Variants in FYCO1 observed in about 807,000 individuals in gnomAD.
FYCO1 encodes FYVE and coiled-coil domain autophagy adaptor 1.
Under a neutral mutation model 165.1 loss-of-function variants are expected in FYCO1, and 122 were observed. The ratio of observed to expected loss-of-function variants is 0.74; its 90% CI spans 0.64 to 0.86. The LOEUF is 0.86. Ranked by LOEUF, FYCO1 falls within the 40% of genes least tolerant of loss-of-function variation. The probability of loss-of-function intolerance (pLI) is 0.00; values close to 1 mark genes in which losing one functional copy is unlikely to be tolerated. For missense variants in FYCO1, 1,702 were observed against 1,810.3 expected (o/e 0.94, Z 1.09); for synonymous variants, 648 against 742.5 (o/e 0.87, Z 2.07).
intron 1 of FYCO1, among the ~76,000 whole-genome samples, chr3:45,989,138 C>T (rs973040912): frequency 6.6e-6 from 1 of 152,116 alleles, no homozygotes; most frequent in Non-Finnish European, 1.5e-5. Context: ...AAATTTTGCT[C>T]CCAACACAAT....
rs1442413767 is a variant in FYCO1, at chr3:45,923,676, G to T, written c.4341C>A (p.Ile1447=). The T allele has an allele frequency of 6.2e-7, 1 of 1,613,420 alleles. No individual in the cohort carries two copies. The change falls in exon 17 of 18, where the codon ATC becomes ATA. Residue 1447 remains isoleucine (I), a synonymous_variant. Coordinates refer to ENST00000296137, the MANE Select transcript of FYCO1 (RefSeq NM_024513.4). ...KVRTPGIYML[I]FDNTFSRFVS... ...CCTACCTTGAGAAGGTATTGTCGAA[G>T]ATGAGCATGTAGATGCCGGGTGTGC...
At chr3:45,955,977 G>A (rs974033021) in intron 13 of FYCO1, among the ~76,000 whole-genome samples, 8 of 152,184 alleles carry the variant, frequency 5.3e-5, no homozygotes, top group Non-Finnish European at 7.3e-5. Flanking sequence ...TCCTGTACCA[G>A]TCATCTGCCC....
intron 14 of FYCO1, among the ~76,000 whole-genome samples, chr3:45,954,584 G>A (rs1340818072): frequency 6.6e-6 from 1 of 152,218 alleles, no homozygotes; most frequent in Non-Finnish European, 1.5e-5. Flanking sequence ...AAGGGTTGCT[G>A]TTATAGGCTG....
chr3:45,958,546 G>A lies in FYCO1; in HGVS notation c.3661C>T (p.Arg1221Cys), dbSNP rs1344641354. 5.0e-6 allele frequency: 8 copies of A among 1,614,056 alleles called. No homozygotes were observed. The highest frequency in any genetic ancestry group is 6.8e-6 in the Non-Finnish European group (8 of 1,180,036). ...VLSKHGGKKE[R>C]CCRACFQKLS... is the part of the protein sequence containing the mutation. ...TTCTGGAAACAGGCTCGGCAGCAGC[G>A]CTCCTTTTTGCCACCGTGCTTGCTC... The change falls in exon 13 of 18, where the codon CGC becomes TGC. Residue 1221 changes from arginine (R) to cysteine (C), a missense_variant. Transcript: ENST00000296137.
chr3:45,964,410 G>T lies in FYCO1; in HGVS notation c.3195C>A (p.Asn1065Lys). Residue 1065 changes from asparagine to lysine, a missense_variant, in exon 10 of 18, where the codon AAC becomes AAA. By Grantham distance (94) the Asn-to-Lys change is moderately conservative. Coordinates refer to ENST00000296137, the MANE Select transcript of FYCO1 (RefSeq NM_024513.4). This position sits in a 1 kb window ranked among gnomAD's most constrained non-coding sequence, Gnocchi z 4.1. Reference sequence around the variant, plus strand: ...TGGCCGCCTGGCACTCTGCAAGATGGTTGCTAGTGCAGCTCAGCTTCTCTC... The same window carrying T: ...TGGCCGCCTGGCACTCTGCAAGATGTTTGCTAGTGCAGCTCAGCTTCTCTC... ...DMGEKLSCTS[N>K]HLAECQAAML... is the part of the protein sequence containing the mutation. 6.2e-7 allele frequency: 1 copy of T among 1,614,102 alleles called. No homozygotes were observed. The highest frequency in any genetic ancestry group is 8.5e-7 in the Non-Finnish European group (1 of 1,179,964).
At chr3:45,965,425 C>T (rs75918913) in intron 8 of FYCO1, among the ~76,000 whole-genome samples, 11,448 of 152,234 alleles carry the variant, frequency 0.075, 544 homozygotes, top group Non-Finnish European at 0.11. Context: ...TGTGGCACTG[C>T]GGTGGAGCTG....
rs1705909793 is a variant in FYCO1 at position 45,964,918 on chromosome 3, C to A, written c.3150+115G>T. 2 of 838,764 alleles carry A rather than the reference C, an allele frequency of 2.4e-6. No homozygotes were observed. The allele number at this position is 838,764 out of a possible 1,614,324, so 52.0% of individuals were successfully genotyped here. On this transcript the variant is annotated intron_variant, in intron 9 of 17. Transcript: ENST00000296137. The surrounding 1 kb of genome is among the most constrained non-coding windows in gnomAD (Gnocchi z 4.1). The stretch of plus-strand genomic sequence containing the variant: ...AAACTAGGGTGTCTACAAAGGTGAA[C>A]TGAGGACGGCTTCAGCTTGGGAATC...
chr3:45,965,701 G>C (rs1705969525), intron 8 of FYCO1, among the ~76,000 whole-genome samples: 1 of 152,248 alleles, frequency 6.6e-6, no homozygotes, highest in African/African-American at 2.4e-5. Context: ...GATGGGGTTG[G>C]TTATTCATTA....
At chr3:45,972,980 G>T in intron 6 of FYCO1, 108 bp downstream of exon 6, 1 of 1,118,448 alleles carries the variant, frequency 8.9e-7, no homozygotes, top group Non-Finnish European at 1.3e-6. Context: ...GAACAGGTTT[G>T]TGTAATTTAC....
rs1706214596 is a variant in FYCO1 at position 45,968,304 on chromosome 3, G to A, written c.1030C>T (p.Leu344=). Residue 344 remains leucine, a synonymous_variant, in exon 8 of 18, where the codon CTG becomes TTG. Transcript: ENST00000296137. ...HTALRRLESM[L]QPLAQELEAT... ...TCAAGCTCCTGTGCCAAGGGCTGCAGCATGGACTCCAGCCGCCGCAGGGCT... is the reference window on the plus strand; with the variant it reads ...TCAAGCTCCTGTGCCAAGGGCTGCAACATGGACTCCAGCCGCCGCAGGGCT... 2.5e-6 allele frequency: 4 copies of A among 1,613,898 alleles called. No homozygotes were observed. The highest frequency in any genetic ancestry group is 3.4e-6 in the Non-Finnish European group (4 of 1,180,038).
chr3:45,971,256 C>T (rs1319527222), intron 6 of FYCO1, among the ~76,000 whole-genome samples: 1 of 152,146 alleles, frequency 6.6e-6, no homozygotes, highest in African/African-American at 2.4e-5. Context: ...ATCTTCCTTA[C>T]AGTAGAATGC....
intron 13 of FYCO1, among the ~76,000 whole-genome samples, chr3:45,957,962 G>A (rs1277673006): frequency 2.0e-5 from 3 of 152,242 alleles, no homozygotes; most frequent in Admixed American, 6.5e-5. Flanking sequence ...TTCCTTCACT[G>A]GGCTGAGTGG....
At chr3:45,934,145 C>T (rs1703770202) in intron 15 of FYCO1, among the ~76,000 whole-genome samples, 1 of 152,124 alleles carries the variant, frequency 6.6e-6, no homozygotes, top group Non-Finnish European at 1.5e-5. Context: ...GAGGAATCTA[C>T]AAGGCAAGGA....
chr3:45,990,432 A>G (rs1440950820), intron 1 of FYCO1, among the ~76,000 whole-genome samples: 1 of 152,174 alleles, frequency 6.6e-6, no homozygotes. Flanking sequence ...TTTGATAAGA[A>G]CAAGTGAACA....
chr3:45,969,803 C>G (rs752670022), intron 6 of FYCO1, 38 bp from the exon 7 acceptor site: 1 of 1,573,502 alleles, frequency 6.4e-7, no homozygotes, highest in African/African-American at 1.3e-5. Flanking sequence ...GTATTCAGAG[C>G]AGGAAACCTA....
chr3:45,965,990 C>T (rs940647795), intron 8 of FYCO1, among the ~76,000 whole-genome samples: 7 of 152,238 alleles, frequency 4.6e-5, no homozygotes, highest in Admixed American at 3.9e-4. Flanking sequence ...TCAATGTTGG[C>T]TACTAGTTTT....
At chr3:45,947,243 C>T (rs1196972098) in intron 14 of FYCO1, 1 of 1,614,056 alleles carries the variant, frequency 6.2e-7, no homozygotes, top group Non-Finnish European at 8.5e-7. Flanking sequence ...AGTTCATCCG[C>T]AGCACACACT....
chr3:45,937,888 A>G (rs1472949787), intron 14 of FYCO1, among the ~76,000 whole-genome samples: 2 of 152,270 alleles, frequency 1.3e-5, no homozygotes, highest in African/African-American at 4.8e-5. Flanking sequence ...AACAGGGAAC[A>G]TCAGTGCAAG....
chr3:45,956,419 C>T (rs565538946), intron 13 of FYCO1, among the ~76,000 whole-genome samples: 4 of 151,850 alleles, frequency 2.6e-5, no homozygotes, highest in African/African-American at 7.2e-5. Flanking sequence ...AACAAGTGAC[C>T]GCAGCACTCT....
Sources: gnomAD v4.1 joint callset for allele counts (sites outside exome capture counted in the v4.1 genomes callset) on GRCh38, gnomAD v4.1.1 for gene constraint, Gnocchi (gnomAD v3.1) non-coding constraint, MANE v1.5 for transcripts, NCBI Gene and HGNC (gene_info 2026-07-23, HGNC 2026-07-21) for gene names.